Variants in AGMO observed in about 807,000 individuals in gnomAD.
AGMO encodes glyceryl-ether monooxygenase.
A neutral mutation model predicts 60.2 loss-of-function variants in AGMO; 75 were observed. That is an observed-to-expected ratio of 1.25 (90% CI 1.03 to 1.51). The LOEUF (loss-of-function observed/expected upper bound fraction) is 1.51, where lower values mean the gene tolerates loss of function less well. Ranked by LOEUF, AGMO falls within the 40% of genes most tolerant of loss-of-function variation. The pLI is 0.00. For missense variants in AGMO, 763 were observed against 525.5 expected, an observed-to-expected ratio of 1.45 and a Z score of -4.42; for synonymous variants, 261 against 177.1, an observed-to-expected ratio of 1.47 and a Z score of -3.76.
At chr7:15,354,287 G>A (rs1040900405) in intron 12 of AGMO, among the ~76,000 whole-genome samples, 2 of 109,114 alleles carry the variant, frequency 1.8e-5, no homozygotes, top group African/African-American at 4.0e-5. Context: ...TATCACGAAT[G>A]AGATAAATAT....
At position 15,385,570 on chromosome 7, in the gene AGMO, G is replaced by C. The variant is rs762646129; in HGVS notation, c.958-8C>G. Reference sequence around the variant, plus strand: ...AACTTCTTTGCCGGTGACCTAGGGAGACAAGAACCATTTCCTTTATATTGC... The same window carrying C: ...AACTTCTTTGCCGGTGACCTAGGGACACAAGAACCATTTCCTTTATATTGC... On this transcript the variant is annotated splice_region_variant and splice_polypyrimidine_tract_variant and intron_variant, in intron 9 of 12. Coordinates refer to ENST00000342526, the MANE Select transcript of AGMO (RefSeq NM_001004320.2). 6.6e-7 allele frequency: 1 copy of C among 1,507,872 alleles called. No homozygotes were observed. Among genetic ancestry groups the C allele is most frequent in the Non-Finnish European group, 9.2e-7 (1 of 1,084,364 alleles). The allele number at this position is 1,507,872 out of a possible 1,614,324, so 93.4% of individuals were successfully genotyped here.
chr7:15,461,309 A>C (rs973490008), intron 3 of AGMO, among the ~76,000 whole-genome samples: 1 of 151,762 alleles, frequency 6.6e-6, no homozygotes, highest in African/African-American at 2.4e-5. Flanking sequence ...TGTAAAAAAA[A>C]CTTTATACCC....
chr7:15,209,930 C>T (rs1247801049), intron 12 of AGMO, among the ~76,000 whole-genome samples: 1 of 152,102 alleles, frequency 6.6e-6, no homozygotes, highest in African/African-American at 2.4e-5. Context: ...ATAAACACTA[C>T]AAACATTCAA....
At chr7:15,498,140 A>C (rs1391153872) in intron 3 of AGMO, among the ~76,000 whole-genome samples, 1 of 152,014 alleles carries the variant, frequency 6.6e-6, no homozygotes, top group Non-Finnish European at 1.5e-5. Flanking sequence ...AGTTGTATTT[A>C]TGTTATGCGG....
the AGMO span, among the ~76,000 whole-genome samples, chr7:15,120,924 T>C: frequency 1.2e-4 from 18 of 152,060 alleles, no homozygotes; most frequent in African/African-American, 4.3e-4. Context: ...CTTCCAGGTT[T>C]TAAGCCCTGC....
intron 3 of AGMO, among the ~76,000 whole-genome samples, chr7:15,526,334 G>A (rs745444607): frequency 6.6e-6 from 1 of 152,132 alleles, no homozygotes; most frequent in African/African-American, 2.4e-5. Flanking sequence ...TTGCTACATG[G>A]CATCCTTAAC....
At chr7:15,249,478 T>C (rs1782866843) in intron 12 of AGMO, among the ~76,000 whole-genome samples, 1 of 152,332 alleles carries the variant, frequency 6.6e-6, no homozygotes, top group Non-Finnish European at 1.5e-5. Flanking sequence ...AATTTGTCAT[T>C]GTTTTCCTGC....
chr7:15,146,118 A>G, the AGMO span, among the ~76,000 whole-genome samples: 1 of 152,176 alleles, frequency 6.6e-6, no homozygotes, highest in African/African-American at 2.4e-5. Flanking sequence ...AAAATCTGCT[A>G]TAGCACAGTT....
chr7:15,410,393 AC>A (rs1180479827), intron 5 of AGMO, among the ~76,000 whole-genome samples: 3 of 151,858 alleles, frequency 2.0e-5, no homozygotes, highest in Non-Finnish European at 4.4e-5. Context: ...AAAATAAATA[AC>A]AAAAAAACCC....
At chr7:15,460,329 T>TCCAC (rs962379766) in intron 3 of AGMO, among the ~76,000 whole-genome samples, 81 of 152,162 alleles carry the variant, frequency 5.3e-4, no homozygotes, top group Admixed American at 1.7e-3. Context: ...CCTCAAGTCA[T>TCCAC]CCACCCACCT....
intron 3 of AGMO, among the ~76,000 whole-genome samples, chr7:15,453,326 C>T (rs1781904241): frequency 6.6e-6 from 1 of 152,166 alleles, no homozygotes; most frequent in Non-Finnish European, 1.5e-5. Context: ...TGTCTTTTCA[C>T]TTAACTAAAG....
At chr7:15,514,130 A>G (rs2128531867) in intron 3 of AGMO, among the ~76,000 whole-genome samples, 1 of 152,294 alleles carries the variant, frequency 6.6e-6, no homozygotes, top group Admixed American at 6.5e-5. Flanking sequence ...TTCCTCATTG[A>G]CATTTCCACT....
At chr7:15,499,265 T>C (rs1230765701) in intron 3 of AGMO, among the ~76,000 whole-genome samples, 1 of 151,910 alleles carries the variant, frequency 6.6e-6, no homozygotes, top group Non-Finnish European at 1.5e-5. Flanking sequence ...TCAATAAAGA[T>C]GTTTTTTTAA....
intron 10 of AGMO, among the ~76,000 whole-genome samples, chr7:15,378,488 G>A (rs1783540774): frequency 6.6e-6 from 1 of 151,884 alleles, no homozygotes. Flanking sequence ...AATCAACAAG[G>A]ATTCCTAACT....
intron 5 of AGMO, among the ~76,000 whole-genome samples, chr7:15,395,029 T>G (rs1321532947): frequency 6.6e-6 from 1 of 152,308 alleles, no homozygotes; most frequent in East Asian, 1.9e-4. Flanking sequence ...ATGTAAGACA[T>G]TTGGTATGTT....
chr7:15,395,993 G>A (rs992483443), intron 5 of AGMO: 2 of 152,024 alleles, frequency 1.3e-5, no homozygotes, highest in Non-Finnish European at 1.5e-5. Flanking sequence ...TCCTTCTCTG[G>A]GACAGGAGCC....
chr7:15,418,259 A>G (rs1780828833), intron 5 of AGMO, among the ~76,000 whole-genome samples: 1 of 152,040 alleles, frequency 6.6e-6, no homozygotes, highest in African/African-American at 2.4e-5. Flanking sequence ...ATCTCTTGGT[A>G]AATAATGTTT....
intron 5 of AGMO, 65 bp downstream of exon 5, chr7:15,418,493 G>T (rs1780837653): frequency 2.0e-6 from 2 of 981,780 alleles, no homozygotes; most frequent in Admixed American, 2.3e-5. Context: ...TCTGCTAGTG[G>T]ATTTCCAGGA....
intron 10 of AGMO, among the ~76,000 whole-genome samples, chr7:15,383,828 CTTTT>C (rs1562475666): frequency 5.3e-5 from 8 of 151,848 alleles, no homozygotes; most frequent in African/African-American, 1.9e-4. Context: ...TCTTTTTAGG[CTTTT>C]TCAGAGTTCT....
Sources: allele counts gnomAD v4.1 joint callset (sites outside exome capture counted in the v4.1 genomes callset), GRCh38; gene constraint gnomAD v4.1.1; transcripts MANE v1.5; gene names NCBI Gene and HGNC (gene_info 2026-07-23, HGNC 2026-07-21).